Variants in CROCC observed in about 807,000 individuals in gnomAD.
CROCC encodes the protein ciliary rootlet coiled-coil, rootletin, also known as rootletin.
A neutral mutation model predicts 245.2 loss-of-function variants in CROCC; 180 were observed. The observed-to-expected ratio is 0.73, with a 90% CI of 0.65 to 0.83. The LOEUF is 0.83. Ranked by LOEUF, CROCC falls within the 40% of genes least tolerant of loss-of-function variation. CROCC has a pLI of 0.00. For missense variants in CROCC, 2,688 were observed against 2,779.4 expected, an observed-to-expected ratio of 0.97 and a Z score of 0.74; for synonymous variants, 1,205 against 1,241.6, an observed-to-expected ratio of 0.97 and a Z score of 0.62.
rs146543830 is a variant in CROCC at position 16,942,370 on chromosome 1, G to T, written c.1809-1730G>T. Among the ~76,000 whole-genome samples the T allele has an allele frequency of 5.1e-3, 779 of 152,234 alleles. 1 individual carries two copies. Among genetic ancestry groups the T allele is most frequent in the African/African-American group, 0.018 (738 of 41,474 alleles). On this transcript the variant is annotated intron_variant, in intron 13 of 36. Coordinates refer to ENST00000375541, the MANE Select transcript of CROCC (RefSeq NM_014675.5). ...GTTGTTTTTGATATTTTGTTGTTTG[G>T]TTTTTCTCTTCATAAATGTAACCAT...
intron 1 of CROCC, among the ~76,000 whole-genome samples, chr1:16,914,697 G>A (rs538814754): frequency 6.6e-6 from 1 of 152,394 alleles, no homozygotes; most frequent in South Asian, 2.1e-4. Context: ...CTCTCACCAT[G>A]CGGCCTCAGG....
intron 26 of CROCC, 25 bp downstream of exon 26, chr1:16,958,775 G>A (rs778016268): frequency 2.6e-6 from 4 of 1,544,000 alleles, no homozygotes; most frequent in Non-Finnish European, 3.5e-6. Flanking sequence ...GGGCAGGCTG[G>A]TGCATCTTTC....
rs1216137775 is a variant in CROCC at position 16,961,004 on chromosome 1, C to T, written c.4279C>T (p.Arg1427Cys). The T allele has an allele frequency of 1.5e-6, 2 of 1,306,220 alleles. No homozygotes were observed. The highest frequency in any genetic ancestry group is 1.9e-6 in the Non-Finnish European group (2 of 1,034,488). The allele number at this position is 1,306,220 out of a possible 1,614,324, so 80.9% of individuals were successfully genotyped here. A position where few individuals can be genotyped will look rare whatever the true frequency, so the allele number is the denominator to read the frequency against. Residue 1427 changes from arginine to cysteine, a missense_variant, in exon 27 of 37, where the codon CGC (arginine) becomes TGC (cysteine). Coordinates refer to ENST00000375541, the MANE Select transcript of CROCC (RefSeq NM_014675.5). ...AELARVEVQR[R>C]AAEAQLGGLR... ...GCTGGCCCGCGTGGAGGTGCAGCGG[C>T]GCGCGGCGGAGGCCCAGCTGGGTGG...
chr1:16,928,430 A>G (rs1446878424), intron 3 of CROCC, among the ~76,000 whole-genome samples: 2 of 152,032 alleles, frequency 1.3e-5, no homozygotes, highest in African/African-American at 4.8e-5. Context: ...GCGGGATGGA[A>G]GCTTCCTGGG....
Position 16,937,731 on chromosome 1 carries a change from G to C in CROCC, c.1284G>C (p.Glu428Asp). 1.2e-6 allele frequency: 2 copies of C among 1,609,564 alleles called. No homozygotes were observed. Among genetic ancestry groups the C allele is most frequent in the Non-Finnish European group, 1.7e-6 (2 of 1,178,390 alleles). Residue 428 changes from glutamate (E) to aspartate (D), a missense_variant, in exon 10 of 37, where the codon GAG becomes GAC. This residue lies in a region of CROCC where 972 missense variants were observed against 895.3 expected (regional missense o/e 1.09). Coordinates refer to ENST00000375541, the MANE Select transcript of CROCC (RefSeq NM_014675.5). ...ACAAGGACCTCACTGAGAAGCTTGA[G>C]GCCCTGGTGAGCTGCAGGTGCCCCT... ...QVNKDLTEKL[E>D]ALESLRLQEQ...
rs550775417 is a variant in CROCC, at chr1:16,932,502, A to G, written c.956+1105A>G. On this transcript the variant is annotated intron_variant, in intron 8 of 36. Transcript: ENST00000375541. Reference sequence around the variant, plus strand: ...GTGGTCAGTGATATGTACGTGGAACAGAGGGAATGTCCTCGAGGCTCAGAA... The same window carrying G: ...GTGGTCAGTGATATGTACGTGGAACGGAGGGAATGTCCTCGAGGCTCAGAA... Among the ~76,000 whole-genome samples, 11 of 152,330 alleles carry G rather than the reference A, an allele frequency of 7.2e-5. No homozygotes were observed. The South Asian group carries it at 2.3e-3, about 32-fold the overall frequency.
rs1048894957 is a variant in CROCC, at chr1:16,971,323, G to T, written c.5785-142G>T. 29 of 1,295,106 alleles carry T rather than the reference G, an allele frequency of 2.2e-5. No homozygotes were observed. In the African/African-American group the frequency reaches 4.0e-4, roughly 18 times the overall value. 80.2% of individuals were successfully genotyped at this position (1,295,106 alleles called of 1,614,324 possible). ...GCTCGCAGGCTCACTGTCAGGGCCA[G>T]CAGGATGGAAGACACACAAGGATCT... On this transcript the variant is annotated intron_variant, in intron 35 of 36. Coordinates refer to ENST00000375541, the MANE Select transcript of CROCC (RefSeq NM_014675.5).
chr1:16,955,962 G>T (rs1203214407), intron 24 of CROCC, 35 bp from the exon 25 acceptor site: 4 of 1,548,218 alleles, frequency 2.6e-6, no homozygotes, highest in Non-Finnish European at 3.5e-6. Context: ...CTACTCCCAG[G>T]ACCCAGGGCA....
chr1:16,959,904 A>C (rs1457616157), intron 26 of CROCC, among the ~76,000 whole-genome samples: 2 of 151,338 alleles, frequency 1.3e-5, no homozygotes, highest in East Asian at 3.9e-4. Flanking sequence ...CCCACCCCCC[A>C]GGGCTGTGAG....
chr1:16,922,530 C>G, intron 1 of CROCC, 133 bp from the exon 2 acceptor site: 1 of 1,327,088 alleles, frequency 7.5e-7, no homozygotes. Context: ...GATTCTAACT[C>G]CCAGGCTTCA....
chr1:16,969,213 G>A lies in CROCC; in HGVS notation c.5174G>A (p.Arg1725Gln), dbSNP rs146435810. 32 of 1,610,860 alleles carry A rather than the reference G, an allele frequency of 2.0e-5. No homozygotes were observed. Among genetic ancestry groups the A allele is most frequent in the African/African-American group, 5.3e-5 (4 of 74,898 alleles). Residue 1725 changes from arginine to glutamine, a missense_variant, in exon 32 of 37, where the codon CGG (arginine) becomes CAG (glutamine). Physicochemically the swap from Arg to Gln is conservative, Grantham distance 43. Transcript: ENST00000375541. ...AKVEESEGAL[R>Q]DKVRGLTEAL... Reference sequence around the variant, plus strand: ...GTGGAGGAAAGCGAGGGGGCCCTGCGGGACAAGGTGCGGGGCCTGACAGAG... The same window carrying A: ...GTGGAGGAAAGCGAGGGGGCCCTGCAGGACAAGGTGCGGGGCCTGACAGAG...
intron 8 of CROCC, among the ~76,000 whole-genome samples, chr1:16,936,087 G>A (rs1272759643): frequency 2.6e-5 from 4 of 152,212 alleles, no homozygotes; most frequent in African/African-American, 9.6e-5. Context: ...TCTGAGAGTG[G>A]ACAAATGGCA....
chr1:16,924,670 G>C (rs1410832893), intron 3 of CROCC, among the ~76,000 whole-genome samples, 191 bp downstream of exon 3: 1 of 152,294 alleles, frequency 6.6e-6, no homozygotes, highest in African/African-American at 2.4e-5. Context: ...GTTTTCTGTA[G>C]TGGGGATTGT....
In CROCC at chr1:16,931,411, G is replaced by A. The variant is rs757618818; in HGVS notation, c.956+14G>A. 4.6e-5 allele frequency: 74 copies of A among 1,603,416 alleles called. No individual in the cohort carries two copies. The Admixed American group carries it at 5.4e-4, about 12-fold the overall frequency. On this transcript the variant is annotated intron_variant, in intron 8 of 36. Coordinates refer to ENST00000375541, the MANE Select transcript of CROCC (RefSeq NM_014675.5). Reference sequence around the variant, plus strand: ...GTTCACTGAGAGGTGAGGCCTGGCCGGGGACGGGGCAGCAGCTGAGAGCCA... The same window carrying A: ...GTTCACTGAGAGGTGAGGCCTGGCCAGGGACGGGGCAGCAGCTGAGAGCCA...
At position 16,921,931 on chromosome 1, in the gene CROCC, A is replaced by C; in HGVS notation, c.-88A>C. On this transcript the variant is annotated 5_prime_UTR_variant, in exon 1 of 37. Coordinates refer to ENST00000375541, the MANE Select transcript of CROCC (RefSeq NM_014675.5). ...AAGCTTAATCTGCCTGGTGCTCAGC[A>C]CAGCATCCTGGCTGTGGCGCGTGCT... 2 of 1,349,796 alleles carry C rather than the reference A, an allele frequency of 1.5e-6. No homozygotes were observed. Among genetic ancestry groups the C allele is most frequent in the Non-Finnish European group, 2.1e-6 (2 of 964,472 alleles). 83.6% of individuals were successfully genotyped at this position (1,349,796 alleles called of 1,614,324 possible). A position where few individuals can be genotyped will look rare whatever the true frequency, so the allele number is the denominator to read the frequency against.
intron 16 of CROCC, 28 bp downstream of exon 16, chr1:16,946,433 G>A (rs200098781): frequency 1.8e-5 from 29 of 1,601,858 alleles, no homozygotes; most frequent in East Asian, 8.9e-5. Flanking sequence ...GGGCCCACCT[G>A]CCTTGCCCAC....
intron 27 of CROCC, among the ~76,000 whole-genome samples, chr1:16,962,105 C>G (rs1160252119): frequency 6.6e-6 from 1 of 151,420 alleles, no homozygotes; most frequent in South Asian, 2.1e-4. Context: ...CTCTGTTGCC[C>G]AAGCTGGAGT....
rs188766413 is a variant in CROCC at position 16,925,800 on chromosome 1, G to A, written c.351+1321G>A. On this transcript the variant is annotated intron_variant, in intron 3 of 36. Coordinates refer to ENST00000375541, the MANE Select transcript of CROCC (RefSeq NM_014675.5). ...TGTAGAGGAGCAGAGTAGGCGGCCC[G>A]CAGTGGCCCCTGGCATGAGGACAGT... 5.2e-5 allele frequency among the ~76,000 whole-genome samples: 8 copies of A among 152,394 alleles called. No individual in the cohort carries two copies. The South Asian group carries it at 8.3e-4, about 16-fold the overall frequency.
intron 13 of CROCC, among the ~76,000 whole-genome samples, chr1:16,942,922 A>G (rs1343193840): frequency 1.3e-5 from 2 of 152,268 alleles, no homozygotes; most frequent in Non-Finnish European, 2.9e-5. Context: ...CCTGGCCAAC[A>G]TGGCGAAACC....
Sources: allele counts gnomAD v4.1 joint callset (sites outside exome capture counted in the v4.1 genomes callset), GRCh38; gene constraint gnomAD v4.1.1; regional missense constraint gnomAD v4.1.1; transcripts MANE v1.5; gene names NCBI Gene and HGNC (gene_info 2026-07-23, HGNC 2026-07-21).